Variants in DHRS12 observed in about 807,000 individuals in gnomAD.
DHRS12 encodes the protein dehydrogenase/reductase SDR family member 12.
In DHRS12, 29 loss-of-function variants were observed where a neutral mutation model predicts 32.1. The ratio of observed to expected loss-of-function variants is 0.90; its 90% confidence interval spans 0.67 to 1.23. The LOEUF (loss-of-function observed/expected upper bound fraction) is 1.23, where lower values mean the gene tolerates loss of function less well. DHRS12 is among the 50% of genes most tolerant of loss of function. DHRS12 has a pLI of 0.00. For missense variants in DHRS12, 330 were observed against 337.2 expected (o/e 0.98, Z 0.17); for synonymous variants, 150 against 135.9 (o/e 1.10, Z -0.72).
chr13:51,778,853 C>T (rs889156963), intron 4 of DHRS12, among the ~76,000 whole-genome samples: 2 of 151,994 alleles, frequency 1.3e-5, no homozygotes, highest in Admixed American at 6.5e-5. Flanking sequence ...TAGAGAAACA[C>T]AATAATAATC....
intron 4 of DHRS12, among the ~76,000 whole-genome samples, chr13:51,783,622 A>C (rs1261426264): frequency 2.0e-5 from 3 of 151,978 alleles, no homozygotes; most frequent in Admixed American, 6.6e-5. Context: ...CCTCACAGCC[A>C]CTCACATTCC....
intron 4 of DHRS12, among the ~76,000 whole-genome samples, chr13:51,779,072 G>C (rs1049336197): frequency 6.6e-6 from 1 of 152,026 alleles, no homozygotes; most frequent in Admixed American, 6.5e-5. Context: ...CTTGAGTCAC[G>C]TAGCCATGCT....
chr13:51,758,425 T>G, the DHRS12 span: 1 of 556,114 alleles, frequency 1.8e-6, no homozygotes, highest in Non-Finnish European at 3.1e-6. Flanking sequence ...GTGGCATGTG[T>G]CTGTAGTCCC....
intron 4 of DHRS12, among the ~76,000 whole-genome samples, chr13:51,784,077 C>T (rs1414107891): frequency 6.6e-6 from 1 of 152,142 alleles, no homozygotes; most frequent in Non-Finnish European, 1.5e-5. Context: ...GAAAGTAAGG[C>T]GTGGGGAGGT....
the DHRS12 span, chr13:51,758,352 T>C: frequency 1.5e-6 from 2 of 1,357,916 alleles, no homozygotes; most frequent in East Asian, 2.4e-5. Context: ...CATATAAATA[T>C]ACAGGAGCAC....
intron 1 of DHRS12, among the ~76,000 whole-genome samples, chr13:51,799,943 G>C (rs956746348): frequency 6.6e-6 from 1 of 152,114 alleles, no homozygotes; most frequent in African/African-American, 2.4e-5. Context: ...CCCGATCCTG[G>C]GGAGTGGCAA....
intron 5 of DHRS12, chr13:51,774,428 TCTC>T (rs1566279313): frequency 7.3e-6 from 1 of 136,386 alleles, no homozygotes; most frequent in Non-Finnish European, 1.6e-5. Flanking sequence ...CCTACAGTAT[TCTC>T]CTACATGTAT....
chr13:51,771,117 T>C, intron 7 of DHRS12: 9 of 1,484,446 alleles, frequency 6.1e-6, no homozygotes, highest in East Asian at 2.5e-5. Context: ...GGTGTGATAA[T>C]AGACAGTAGT....
intron 6 of DHRS12, among the ~76,000 whole-genome samples, chr13:51,773,417 G>A (rs9596573): frequency 0.15 from 22,556 of 152,092 alleles, 2,435 homozygotes; most frequent in African/African-American, 0.28. Context: ...CAGCACTCAA[G>A]ATGATTTGGA....
chr13:51,780,060 C>T (rs1288177339), intron 4 of DHRS12, among the ~76,000 whole-genome samples: 1 of 152,064 alleles, frequency 6.6e-6, no homozygotes, highest in Admixed American at 6.6e-5. Context: ...ACCTGTAGTC[C>T]CAGCTACTCG....
intron 4 of DHRS12, among the ~76,000 whole-genome samples, chr13:51,785,839 T>G (rs1259516088): frequency 2.0e-5 from 3 of 152,202 alleles, no homozygotes; most frequent in Admixed American, 1.3e-4. Context: ...AACCACAATT[T>G]TGTTGTCCTT....
At chr13:51,759,706 T>C in the DHRS12 span, 2 of 1,612,132 alleles carry the variant, frequency 1.2e-6, no homozygotes, top group Non-Finnish European at 1.7e-6. Context: ...AACACAATTT[T>C]AGTTCATTCT....
intron 5 of DHRS12, 173 bp from the exon 6 acceptor site, chr13:51,774,207 C>A: frequency 1.7e-6 from 1 of 596,658 alleles, no homozygotes; most frequent in Non-Finnish European, 3.0e-6. Context: ...TATTCTCCTA[C>A]ATGTATTCTC....
chr13:51,793,820 T>C (rs956945377), intron 2 of DHRS12, among the ~76,000 whole-genome samples: 1 of 152,170 alleles, frequency 6.6e-6, no homozygotes, highest in African/African-American at 2.4e-5. Flanking sequence ...CTGTGTAACA[T>C]GTATACAAAA....
chr13:51,791,778 G>A (rs1221008937), intron 2 of DHRS12, among the ~76,000 whole-genome samples: 1 of 152,082 alleles, frequency 6.6e-6, no homozygotes, highest in Non-Finnish European at 1.5e-5. Flanking sequence ...CCCAGCCCCT[G>A]ACAACCACCA....
At chr13:51,778,317 T>C (rs1954543952) in intron 4 of DHRS12, among the ~76,000 whole-genome samples, 1 of 152,258 alleles carries the variant, frequency 6.6e-6, no homozygotes, top group South Asian at 2.1e-4. Context: ...TCTTGCTGTA[T>C]TATCATTTGT....
At chr13:51,789,400 G>T (rs944246135) in intron 4 of DHRS12, 4 of 292,564 alleles carry the variant, frequency 1.4e-5, no homozygotes, top group South Asian at 1.3e-4. Context: ...CATCCAGAAG[G>T]CCTGTCAAAC....
At chr13:51,799,176 A>G (rs1386454242) in intron 2 of DHRS12, among the ~76,000 whole-genome samples, 1 of 152,168 alleles carries the variant, frequency 6.6e-6, no homozygotes, top group Non-Finnish European at 1.5e-5. Context: ...CATTGAGAAG[A>G]CATGAGTTAG....
intron 1 of DHRS12, among the ~76,000 whole-genome samples, chr13:51,801,370 T>C (rs1452354302): frequency 1.3e-5 from 2 of 152,110 alleles, no homozygotes. Flanking sequence ...TATTTTTTAG[T>C]AGAGATGGGT....
Sources: allele counts gnomAD v4.1 joint callset (sites outside exome capture counted in the v4.1 genomes callset), GRCh38; gene constraint gnomAD v4.1.1; transcripts MANE v1.5; gene names NCBI Gene and HGNC (gene_info 2026-07-23, HGNC 2026-07-21).